The following CD99L2 variants were observed in gnomAD, a reference collection of about 807,000 sequenced individuals.
CD99L2 encodes CD99 molecule like 2.
CD99L2 carries 24 observed loss-of-function variants against 27.3 expected under a neutral mutation model. The ratio of observed to expected loss-of-function variants is 0.88; its 90% CI spans 0.64 to 1.24. CD99L2 has a LOEUF of 1.24. Ranked by LOEUF, CD99L2 falls within the 50% of genes most tolerant of loss-of-function variation. The probability of loss-of-function intolerance (pLI) is 0.00; values close to 1 mark genes in which losing one functional copy is unlikely to be tolerated. For missense variants in CD99L2, 255 were observed against 221.6 expected (o/e 1.15, Z -0.96); for synonymous variants, 97 against 87.9 (o/e 1.10, Z -0.58).
chrX:150,814,964 A>G, intron 3 of CD99L2, 28 bp from the exon 4 acceptor site: 1 of 1,207,041 alleles, frequency 8.3e-7, no homozygotes, highest in Non-Finnish European at 1.1e-6. Flanking sequence ...ACATAAAGGA[A>G]ACAGCCAACT....
chrX:150,851,549 A>G (rs956823213), intron 1 of CD99L2, among the ~76,000 whole-genome samples: 3 of 112,074 alleles, frequency 2.7e-5, no homozygotes, highest in Non-Finnish European at 5.6e-5. Flanking sequence ...TGTATTTTCT[A>G]TTGGTGCTAT....
chrX:150,896,711 C>T (rs2047617016), intron 1 of CD99L2, among the ~76,000 whole-genome samples: 3 of 112,401 alleles, frequency 2.7e-5, no homozygotes, highest in Non-Finnish European at 5.6e-5. Context: ...GTTCGGGGAA[C>T]TCATTTTCCC....
intron 1 of CD99L2, among the ~76,000 whole-genome samples, chrX:150,877,531 A>C (rs1419451484): frequency 5.4e-5 from 6 of 110,620 alleles, no homozygotes; most frequent in African/African-American, 2.0e-4. Flanking sequence ...CAAGAGCAAA[A>C]CTAGGAAAGG....
chrX:150,793,878 GAAATT>G (rs1557419807), intron 6 of CD99L2, 122 bp from the exon 7 acceptor site: 2 of 512,632 alleles, frequency 3.9e-6, no homozygotes, highest in Non-Finnish European at 6.1e-6. Context: ...TGCCCTTCAT[GAAATT>G]CTAAGAGGTC....
chrX:150,778,725 G>A (rs991583964), intron 7 of CD99L2, among the ~76,000 whole-genome samples: 5 of 101,579 alleles, frequency 4.9e-5, no homozygotes, highest in Non-Finnish European at 9.9e-5. Context: ...AAAGATTCCT[G>A]GGGAAAAATG....
intron 1 of CD99L2, among the ~76,000 whole-genome samples, chrX:150,893,699 C>T (rs2047557079): frequency 9.1e-6 from 1 of 109,580 alleles, no homozygotes. Context: ...AATGAAGATG[C>T]AGTTCCCATA....
chrX:150,793,668 T>C lies in CD99L2; in HGVS notation c.496+23A>G, dbSNP rs111664885. On this transcript the variant is annotated intron_variant, in intron 7 of 10. Transcript: ENST00000370377. ...CTTTTTCACCAGAATAAGGGTTGTGTTGGCACAAATCAATGCTCCTACCTT... is the reference window on the plus strand; with the variant it reads ...CTTTTTCACCAGAATAAGGGTTGTGCTGGCACAAATCAATGCTCCTACCTT... 5.3e-5 allele frequency: 61 copies of C among 1,157,991 alleles called. 1 individual carries two copies. In the Middle Eastern group the frequency reaches 2.4e-3, roughly 46 times the overall value.
At position 150,793,677 on chromosome X, in the gene CD99L2, A is replaced by G. The variant is rs374053534; in HGVS notation, c.496+14T>C. The G allele has an allele frequency of 1.6e-5, 19 of 1,177,362 alleles. No individual in the cohort carries two copies. Among genetic ancestry groups the G allele is most frequent in the Non-Finnish European group, 2.2e-5 (19 of 878,352 alleles). Reference sequence around the variant, plus strand: ...CAGAATAAGGGTTGTGTTGGCACAAATCAATGCTCCTACCTTTACCCTTGT... The same window carrying G: ...CAGAATAAGGGTTGTGTTGGCACAAGTCAATGCTCCTACCTTTACCCTTGT... On this transcript the variant is annotated intron_variant, in intron 7 of 10. Transcript: ENST00000370377.
intron 1 of CD99L2, among the ~76,000 whole-genome samples, chrX:150,835,915 C>T (rs1316252657): frequency 1.8e-5 from 2 of 111,073 alleles, no homozygotes; most frequent in Non-Finnish European, 3.8e-5. Flanking sequence ...CACCCCAGGT[C>T]TCACAAAGGC....
Position 150,769,005 on chromosome X carries a change from T to C in CD99L2, c.*29A>G, listed in dbSNP as rs201626644. 5.7e-5 allele frequency: 65 copies of C among 1,133,109 alleles called. No individual in the cohort carries two copies. The highest frequency in any genetic ancestry group is 3.8e-4 in the Admixed American group (11 of 29,040). 93.4% of individuals were successfully genotyped at this position (1,133,109 alleles called of 1,213,427 possible). A position where few individuals can be genotyped will look rare whatever the true frequency, so the allele number is the denominator to read the frequency against. ...AGCCGGGTGACAAGCGGTGGCACCA[T>C]TGTGCATGCCTGCAGCTGGACAGGG... is the stretch of plus-strand genomic sequence containing the variant. On this transcript the variant is annotated 3_prime_UTR_variant, in exon 11 of 11. Transcript: ENST00000370377.
chrX:150,854,891 G>T lies in CD99L2; in HGVS notation c.68-23598C>A, dbSNP rs191217988. The stretch of plus-strand genomic sequence containing the variant: ...AACATAGCCTTCATGGCTCCCTGTG[G>T]CTGCCTGCTGCCCCCCCTCCCCCCG... On this transcript the variant is annotated intron_variant, in intron 1 of 10. Transcript: ENST00000370377. 4.9e-4 allele frequency among the ~76,000 whole-genome samples: 54 copies of T among 110,946 alleles called. 1 individual carries two copies. The East Asian group carries it at 0.013, about 27-fold the overall frequency.
intron 2 of CD99L2, among the ~76,000 whole-genome samples, chrX:150,822,433 G>C (rs2046256229): frequency 8.9e-6 from 1 of 111,884 alleles, no homozygotes; most frequent in Non-Finnish European, 1.9e-5. Flanking sequence ...AAATGTTTTG[G>C]AACTGGATAA....
intron 1 of CD99L2, among the ~76,000 whole-genome samples, chrX:150,894,616 C>A (rs2047576527): frequency 9.1e-6 from 1 of 110,331 alleles, no homozygotes; most frequent in African/African-American, 3.3e-5. Context: ...AAGACAGGGT[C>A]TCACTCTGTC....
In CD99L2 at chrX:150,838,286, T is replaced by C. The variant is rs942185625; in HGVS notation, c.68-6993A>G. Among the ~76,000 whole-genome samples the C allele has an allele frequency of 1.1e-4, 12 of 112,074 alleles. 2 individuals carry two copies. Among genetic ancestry groups the C allele is most frequent in the Admixed American group, 1.0e-3 (11 of 10,537 alleles). ...AGGACTGACAGTCACATGGATTAGA[T>C]TGGATCCTGGATTGGATTCTGGAAC... On this transcript the variant is annotated intron_variant, in intron 1 of 10. Transcript: ENST00000370377.
intron 1 of CD99L2, among the ~76,000 whole-genome samples, chrX:150,846,294 G>A (rs1016710238): frequency 1.4e-4 from 16 of 112,368 alleles, no homozygotes; most frequent in Non-Finnish European, 1.7e-4. Flanking sequence ...TTGGGGCCAA[G>A]GTTTCCAAAC....
rs781854511 is a variant in CD99L2, at chrX:150,795,495, G to A, written c.278-9C>T. 3.3e-5 allele frequency: 40 copies of A among 1,209,414 alleles called. No homozygotes were observed. Among genetic ancestry groups the A allele is most frequent in the Non-Finnish European group, 4.4e-5 (39 of 893,968 alleles). On this transcript the variant is annotated splice_polypyrimidine_tract_variant and intron_variant, in intron 4 of 10. Transcript: ENST00000370377. ...TACATGGTTCCATCTCTCTAAAAGG[G>A]GAAGGGAGGACAGCAAAGGGAGCAC...
intron 2 of CD99L2, chrX:150,816,385 C>T: frequency 3.3e-6 from 1 of 299,119 alleles, no homozygotes. Flanking sequence ...GCACGTGGTC[C>T]AGGGAGTTCC....
chrX:150,855,354 T>C (rs1272211164), intron 1 of CD99L2, among the ~76,000 whole-genome samples: 4 of 111,629 alleles, frequency 3.6e-5, no homozygotes, highest in African/African-American at 6.5e-5. Context: ...AGAGGTTAAA[T>C]TGATTCACAG....
chrX:150,890,650 A>G (rs1257170714), intron 1 of CD99L2, among the ~76,000 whole-genome samples: 2 of 109,188 alleles, frequency 1.8e-5, no homozygotes, highest in African/African-American at 6.7e-5. Flanking sequence ...AATGGACACA[A>G]TTAGCTGAAG....
Sources: allele counts gnomAD v4.1 joint callset (sites outside exome capture counted in the v4.1 genomes callset), GRCh38; gene constraint gnomAD v4.1.1; transcripts MANE v1.5; gene names NCBI Gene and HGNC (gene_info 2026-07-23, HGNC 2026-07-21).